The following MSH3 variants were observed in gnomAD, a reference collection of about 807,000 sequenced individuals.
MSH3 encodes the protein DNA mismatch repair protein Msh3.
Under a neutral mutation model 123.3 loss-of-function variants are expected in MSH3, and 106 were observed. The ratio of observed to expected loss-of-function variants is 0.86; its 90% confidence interval spans 0.73 to 1.01. The LOEUF is 1.01. Ranked by LOEUF, MSH3 falls within the 50% of genes least tolerant of loss-of-function variation. MSH3 has a pLI of 0.00. For missense variants in MSH3, 1,459 were observed against 1,347.6 expected (o/e 1.08, Z -1.29); for synonymous variants, 515 against 481.4 (o/e 1.07, Z -0.91).
chr5:80,829,920 GC>G (rs1745390303), intron 20 of MSH3, among the ~76,000 whole-genome samples: 2 of 152,114 alleles, frequency 1.3e-5, no homozygotes, highest in African/African-American at 4.8e-5. Context: ...ATAGATACAG[GC>G]CTATTCAGAT....
At chr5:80,696,736 A>C (rs527755576) in intron 8 of MSH3, among the ~76,000 whole-genome samples, 1 of 152,230 alleles carries the variant, frequency 6.6e-6, no homozygotes, top group South Asian at 2.1e-4. Context: ...AAGTTCTTCA[A>C]TCAAGATCTT....
chr5:80,722,451 A>C (rs565411285), intron 8 of MSH3, among the ~76,000 whole-genome samples: 1 of 152,346 alleles, frequency 6.6e-6, no homozygotes, highest in South Asian at 2.1e-4. Flanking sequence ...CTTCCAAAGG[A>C]AATACTCTTT....
At chr5:80,743,983 T>C (rs1743665372) in intron 11 of MSH3, among the ~76,000 whole-genome samples, 1 of 152,186 alleles carries the variant, frequency 6.6e-6, no homozygotes, top group Non-Finnish European at 1.5e-5. Context: ...TTGTGATTTT[T>C]TTTTAAGGAC....
intron 1 of MSH3, among the ~76,000 whole-genome samples, chr5:80,655,772 A>G (rs900907686): frequency 4.6e-5 from 7 of 152,100 alleles, no homozygotes; most frequent in Admixed American, 4.6e-4. Flanking sequence ...CCTTTCGTAT[A>G]TATTTCTCCC....
At chr5:80,764,728 G>A (rs1451237185) in intron 13 of MSH3, among the ~76,000 whole-genome samples, 1 of 152,124 alleles carries the variant, frequency 6.6e-6, no homozygotes, top group African/African-American at 2.4e-5. Flanking sequence ...GCTAGTCACA[G>A]GAACCCATAA....
intron 10 of MSH3, among the ~76,000 whole-genome samples, chr5:80,732,759 TCTACCTTATCAAAAA>T (rs1743434392): frequency 6.6e-6 from 1 of 152,176 alleles, no homozygotes; most frequent in South Asian, 2.1e-4. Context: ...ATCAATGTAA[TCTACCTTATCAAAAA>T]CTACATGATA....
intron 16 of MSH3, 76 bp downstream of exon 16, chr5:80,775,834 G>T: frequency 1.3e-6 from 1 of 797,336 alleles, no homozygotes. Flanking sequence ...TGGGCTCATC[G>T]TAGCCACATT....
At chr5:80,797,981 C>G (rs3797896) in intron 19 of MSH3, among the ~76,000 whole-genome samples, 15,513 of 151,912 alleles carry the variant, frequency 0.1, 1,136 homozygotes, top group East Asian at 0.33. Flanking sequence ...GATGGATTTT[C>G]AACAGCAGTT....
rs182063760 is a variant in MSH3 at position 80,716,505 on chromosome 5, T to A, written c.1341-8948T>A. On this transcript the variant is annotated intron_variant, in intron 8 of 23. Coordinates refer to ENST00000265081, the MANE Select transcript of MSH3 (RefSeq NM_002439.5). ...GTCTCAAACTCCTGGCCTCAAGCGA[T>A]CCTCCTGCCACAGCCTCCTGAGTAG... 1.3e-4 allele frequency among the ~76,000 whole-genome samples: 20 copies of A among 152,212 alleles called. No individual in the cohort carries two copies. The East Asian group carries it at 3.3e-3, about 25-fold the overall frequency.
chr5:80,812,253 G>C (rs1745021328), intron 19 of MSH3, among the ~76,000 whole-genome samples: 1 of 152,134 alleles, frequency 6.6e-6, no homozygotes, highest in Non-Finnish European at 1.5e-5. Context: ...TCCCCCATTA[G>C]TAACATGTTA....
At chr5:80,719,723 A>G (rs946457553) in intron 8 of MSH3, among the ~76,000 whole-genome samples, 2 of 152,242 alleles carry the variant, frequency 1.3e-5, no homozygotes, top group African/African-American at 2.4e-5. Flanking sequence ...ATTAGGTACT[A>G]TACCTTCTTT....
chr5:80,677,854 C>T (rs1484233787), intron 7 of MSH3, among the ~76,000 whole-genome samples: 2 of 152,156 alleles, frequency 1.3e-5, no homozygotes, highest in Non-Finnish European at 1.5e-5. Flanking sequence ...TTTCCTATTT[C>T]ATTTTATGAT....
Position 80,864,715 on chromosome 5 carries a change from A to T in MSH3, c.3001-98A>T, listed in dbSNP as rs1279498616. ...TCGTTGTACTTTTCTTGTGACTTTT[A>T]GGAAGATTTAAAATTTTTCAAAAGA... On this transcript the variant is annotated intron_variant, in intron 21 of 23. Coordinates refer to ENST00000265081, the MANE Select transcript of MSH3 (RefSeq NM_002439.5). 18 of 1,050,554 alleles carry T rather than the reference A, an allele frequency of 1.7e-5. No homozygotes were observed. The South Asian group carries it at 2.5e-4, about 15-fold the overall frequency. The allele number at this position is 1,050,554 out of a possible 1,614,324, so 65.1% of individuals were successfully genotyped here. A position where few individuals can be genotyped will look rare whatever the true frequency, so the allele number is the denominator to read the frequency against.
chr5:80,827,794 A>C (rs940209741), intron 20 of MSH3, among the ~76,000 whole-genome samples: 5 of 152,210 alleles, frequency 3.3e-5, no homozygotes, highest in African/African-American at 1.2e-4. Flanking sequence ...ATTTGGTTTT[A>C]AATGCAAATC....
intron 15 of MSH3, among the ~76,000 whole-genome samples, chr5:80,772,800 T>A (rs1744234268): frequency 6.6e-6 from 1 of 152,186 alleles, no homozygotes; most frequent in Non-Finnish European, 1.5e-5. Flanking sequence ...GAAGAAAAGC[T>A]AGCAGAAGAC....
chr5:80,689,856 G>T (rs562852384), intron 8 of MSH3, among the ~76,000 whole-genome samples: 3 of 151,926 alleles, frequency 2.0e-5, no homozygotes, highest in Admixed American at 6.6e-5. Context: ...TGATATTGCT[G>T]TAATATGCTG....
chr5:80,663,405 A>G (rs115467725), intron 2 of MSH3, among the ~76,000 whole-genome samples: 283 of 152,206 alleles, frequency 1.9e-3, no homozygotes, highest in African/African-American at 6.7e-3. Flanking sequence ...ATGTGCTCTC[A>G]GTGCTTTTTC....
rs11959269 is a variant in MSH3 at position 80,749,136 on chromosome 5, G to A, written c.1763+4521G>A. Reference sequence around the variant, plus strand: ...AACTAATAGGATAGATGTATATAAGGAGTATTGACTTACATGATCACAAGG... The same window carrying A: ...AACTAATAGGATAGATGTATATAAGAAGTATTGACTTACATGATCACAAGG... On this transcript the variant is annotated intron_variant, in intron 12 of 23. Coordinates refer to ENST00000265081, the MANE Select transcript of MSH3 (RefSeq NM_002439.5). Among the ~76,000 whole-genome samples, 1,423 of 152,202 alleles carry A rather than the reference G, an allele frequency of 9.3e-3. 20 individuals are homozygous for A. Among genetic ancestry groups the A allele is most frequent in the African/African-American group, 0.032 (1,312 of 41,510 alleles).
In MSH3 at chr5:80,654,700, GC is replaced by G. The variant is rs1450570349; in HGVS notation, c.-26del. On this transcript the variant is annotated 5_prime_UTR_variant, in exon 1 of 24. Coordinates refer to ENST00000265081, the MANE Select transcript of MSH3 (RefSeq NM_002439.5). ...GGGCTCGCGCTCCTCGCCAGGCCCT[GC>G]CGCCGGGCTGCCATCCTTGCCCTGC... 6.3e-7 allele frequency: 1 copy of G among 1,576,968 alleles called. No homozygotes were observed. Among genetic ancestry groups the G allele is most frequent in the South Asian group, 1.1e-5 (1 of 88,894 alleles).
Sources: gnomAD v4.1 joint callset for allele counts (sites outside exome capture counted in the v4.1 genomes callset) on GRCh38, gnomAD v4.1.1 for gene constraint, MANE v1.5 for transcripts, NCBI Gene and HGNC (gene_info 2026-07-23, HGNC 2026-07-21) for gene names.